The following POLE2 variants were observed in gnomAD, a reference collection of about 807,000 sequenced individuals.
POLE2 encodes the protein DNA polymerase epsilon subunit 2.
POLE2 carries 56 observed loss-of-function variants against 79.4 expected under a neutral mutation model. That is an observed-to-expected ratio of 0.71 (90% CI 0.57 to 0.88). The LOEUF (loss-of-function observed/expected upper bound fraction) is 0.88, where lower values mean the gene tolerates loss of function less well. Among genes scored for constraint, POLE2 ranks in the 40% least tolerant of loss-of-function variants. The pLI is 0.00. For missense variants in POLE2, 598 were observed against 638.9 expected (o/e 0.94, Z 0.69); for synonymous variants, 212 against 214.0 (o/e 0.99, Z 0.08).
intron 10 of POLE2, among the ~76,000 whole-genome samples, chr14:49,656,104 C>T (rs574132977): frequency 8.0e-4 from 121 of 152,084 alleles, no homozygotes; most frequent in Non-Finnish European, 1.4e-3. Context: ...GCCTGTAATC[C>T]CAGTACTTTG....
chr14:49,649,709 A>T (rs774520442), intron 17 of POLE2, among the ~76,000 whole-genome samples: 2 of 152,182 alleles, frequency 1.3e-5, no homozygotes, highest in Non-Finnish European at 2.9e-5. Context: ...TCGGCCTCCC[A>T]AAGTGCTGGG....
chr14:49,646,993 CCT>C, intron 18 of POLE2: 1 of 234,380 alleles, frequency 4.3e-6, no homozygotes, highest in Non-Finnish European at 8.2e-6. Flanking sequence ...GCAGGACTGA[CCT>C]CTCAGAAGAG....
At chr14:49,661,752 T>C (rs563461359) in intron 10 of POLE2, among the ~76,000 whole-genome samples, 3 of 152,310 alleles carry the variant, frequency 2.0e-5, no homozygotes, top group Admixed American at 6.5e-5. Context: ...TTTTATATTT[T>C]GAAGGCATTT....
At chr14:49,677,429 C>T in intron 3 of POLE2, 3 of 469,944 alleles carry the variant, frequency 6.4e-6, no homozygotes, top group South Asian at 5.2e-5. Context: ...GGACCTGAAG[C>T]CCACCACTAT....
Position 49,669,547 on chromosome 14 carries a change from C to A in POLE2, c.469G>T (p.Asp157Tyr), listed in dbSNP as rs1288033629. The A allele has an allele frequency of 2.5e-6, 4 of 1,596,858 alleles. No homozygotes were observed. The highest frequency in any genetic ancestry group is 1.7e-5 in the Admixed American group (1 of 59,924). ...FTPPVIGSHP[D>Y]ESGSKFQLKT... ...ACCTGGAATTTGCTTCCGCTTTCATCAGGGTGAGAACCTATCACCGGAGGA... is the reference window on the plus strand; with the variant it reads ...ACCTGGAATTTGCTTCCGCTTTCATAAGGGTGAGAACCTATCACCGGAGGA... Residue 157 changes from aspartate (D) to tyrosine (Y), a missense_variant, in exon 6 of 19, where the codon GAT becomes TAT. Coordinates refer to ENST00000216367, the MANE Select transcript of POLE2 (RefSeq NM_002692.4).
At chr14:49,680,453 A>T (rs560432718) in intron 2 of POLE2, among the ~76,000 whole-genome samples, 35 of 152,354 alleles carry the variant, frequency 2.3e-4, no homozygotes, top group African/African-American at 8.4e-4. Context: ...TGATAGTAAC[A>T]ATAGCAGCTA....
At chr14:49,674,920 A>G (rs1262667388) in intron 3 of POLE2, among the ~76,000 whole-genome samples, 2 of 152,126 alleles carry the variant, frequency 1.3e-5, no homozygotes, top group Non-Finnish European at 2.9e-5. Flanking sequence ...TAGCTTGTGC[A>G]TTTTCATCTC....
intron 15 of POLE2, 82 bp downstream of exon 15, chr14:49,653,908 T>G (rs565688519): frequency 1.3e-6 from 1 of 784,794 alleles, no homozygotes; most frequent in East Asian, 2.7e-5. Context: ...CCCAAAGTGC[T>G]GAGATTACAG....
In POLE2 at chr14:49,650,247, G is replaced by T. The variant is rs761202397; in HGVS notation, c.1497+18C>A. On this transcript the variant is annotated intron_variant, in intron 17 of 18. Transcript: ENST00000216367. ...ATCTTGATAAATAATGACTATATAA[G>T]ATTAACTACATTCTTACAGGGTTTA... The T allele has an allele frequency of 1.4e-6, 2 of 1,413,892 alleles. No homozygotes were observed. Among genetic ancestry groups the T allele is most frequent in the East Asian group, 2.4e-5 (1 of 41,280 alleles). The allele number at this position is 1,413,892 out of a possible 1,614,324, so 87.6% of individuals were successfully genotyped here.
At chr14:49,663,475 C>T (rs45579737) in intron 9 of POLE2, 88 bp from the exon 10 acceptor site, 4 of 793,650 alleles carry the variant, frequency 5.0e-6, no homozygotes, top group Non-Finnish European at 8.0e-6. Context: ...TAATGCCAGG[C>T]TAGTCTCATG....
chr14:49,668,457 GAAAA>G (rs76534465), intron 6 of POLE2, among the ~76,000 whole-genome samples: 1 of 77,506 alleles, frequency 1.3e-5, no homozygotes, highest in East Asian at 3.7e-4. Context: ...TCTATCAAAA[GAAAA>G]AAAAAAAAAA....
At chr14:49,664,118 G>C (rs1311674197) in intron 9 of POLE2, among the ~76,000 whole-genome samples, 1 of 151,908 alleles carries the variant, frequency 6.6e-6, no homozygotes, top group African/African-American at 2.4e-5. Flanking sequence ...GGAGGCCGAG[G>C]CGGGTGGACT....
intron 12 of POLE2, 43 bp from the exon 13 acceptor site, chr14:49,654,881 C>A: frequency 6.9e-7 from 1 of 1,452,072 alleles, no homozygotes; most frequent in South Asian, 1.5e-5. Context: ...GCATATAATG[C>A]CATAAAATTA....
chr14:49,659,066 C>G (rs1361475372), intron 10 of POLE2, among the ~76,000 whole-genome samples: 4 of 151,924 alleles, frequency 2.6e-5, no homozygotes, highest in Admixed American at 2.6e-4. Context: ...GTGTATAGGC[C>G]TAGGTTAATA....
chr14:49,664,930 T>G (rs1885370383), intron 8 of POLE2, among the ~76,000 whole-genome samples, 177 bp downstream of exon 8: 1 of 152,198 alleles, frequency 6.6e-6, no homozygotes, highest in Non-Finnish European at 1.5e-5. Flanking sequence ...ATTCTCCAAA[T>G]AAGAGAAAAT....
chr14:49,650,421 G>C lies in POLE2; in HGVS notation c.1341C>G (p.Ser447=), dbSNP rs1169178431. The part of the protein sequence containing the change: ...IPNHFVKTIL[S]QGHLTPLPLY... ...GAGGTAGGGGAGTCAGATGTCCTTG[G>C]GATAAGATAGTCTTTACAAACTACA... is the stretch of plus-strand genomic sequence containing the variant. Residue 447 remains serine (S), a synonymous_variant, in exon 17 of 19, where the codon TCC becomes TCG. Coordinates refer to ENST00000216367, the MANE Select transcript of POLE2 (RefSeq NM_002692.4). The C allele has an allele frequency of 6.6e-7, 1 of 1,515,956 alleles. No individual in the cohort carries two copies. The highest frequency in any genetic ancestry group is 2.5e-5 in the East Asian group (1 of 40,286). 93.9% of individuals were successfully genotyped at this position (1,515,956 alleles called of 1,614,324 possible).
intron 17 of POLE2, chr14:49,650,063 C>G (rs912509730): frequency 9.5e-6 from 3 of 316,742 alleles, no homozygotes; most frequent in Non-Finnish European, 1.1e-5. Flanking sequence ...TTTTTTAAGT[C>G]ATGTTACTTT....
chr14:49,654,964 A>G (rs1594568829), intron 12 of POLE2, 41 bp downstream of exon 12: 1 of 1,410,272 alleles, frequency 7.1e-7, no homozygotes, highest in East Asian at 2.6e-5. Flanking sequence ...TTTAGTTTAT[A>G]TGACTATAGA....
rs755578185 is a variant in POLE2, at chr14:49,647,320, TAAA to T, written c.1535_1537del (p.Phe512del). ...ATCTTCTACTGTCTTATTAGAAGGATAAAAAACTTTGAATGAAAATCCACTTCT... is the reference window on the plus strand; with the variant it reads ...ATCTTCTACTGTCTTATTAGAAGGATAAACTTTGAATGAAAATCCACTTCT... On this transcript the variant is annotated inframe_deletion, in exon 18 of 19. Coordinates refer to ENST00000216367, the MANE Select transcript of POLE2 (RefSeq NM_002692.4). 1 of 1,572,996 alleles carries T rather than the reference TAAA, an allele frequency of 6.4e-7. No homozygotes were observed. The highest frequency in any genetic ancestry group is 8.7e-7 in the Non-Finnish European group (1 of 1,155,046).
Sources: gnomAD v4.1 joint callset for allele counts (sites outside exome capture counted in the v4.1 genomes callset) on GRCh38, gnomAD v4.1.1 for gene constraint, MANE v1.5 for transcripts, NCBI Gene and HGNC (gene_info 2026-07-23, HGNC 2026-07-21) for gene names.